The following TMEM163 variants were observed in gnomAD, a reference collection of about 807,000 sequenced individuals.
TMEM163 encodes the protein transmembrane protein 163.
A neutral mutation model predicts 29.3 loss-of-function variants in TMEM163; 17 were observed. The observed-to-expected ratio is 0.58, with a 90% CI of 0.40 to 0.87. The LOEUF (loss-of-function observed/expected upper bound fraction) is 0.87, where lower values mean the gene tolerates loss of function less well. Ranked by LOEUF, TMEM163 falls within the 40% of genes least tolerant of loss-of-function variation. TMEM163 has a pLI of 0.00. For missense variants in TMEM163, 303 were observed against 381.5 expected, an observed-to-expected ratio of 0.79 and a Z score of 1.71; for synonymous variants, 157 against 160.6, an observed-to-expected ratio of 0.98 and a Z score of 0.17.
chr2:134,693,626 A>G (rs867852857), intron 2 of TMEM163, among the ~76,000 whole-genome samples: 3 of 151,574 alleles, frequency 2.0e-5, no homozygotes, highest in Admixed American at 1.3e-4. Flanking sequence ...AAAAAAAAAA[A>G]AAAACCTGAA....
chr2:134,584,500 C>G (rs1681766003), intron 2 of TMEM163, among the ~76,000 whole-genome samples: 1 of 152,176 alleles, frequency 6.6e-6, no homozygotes, highest in Non-Finnish European at 1.5e-5. Flanking sequence ...TGTGAAAAAT[C>G]ACAGGTGAAA....
intron 2 of TMEM163, among the ~76,000 whole-genome samples, chr2:134,558,985 T>C (rs928780367): frequency 6.6e-6 from 1 of 152,240 alleles, no homozygotes; most frequent in Non-Finnish European, 1.5e-5. Context: ...CTTTCCATCA[T>C]CCACAATACA....
intron 4 of TMEM163, among the ~76,000 whole-genome samples, chr2:134,524,489 C>T (rs1163959575): frequency 6.7e-6 from 1 of 149,976 alleles, no homozygotes; most frequent in African/African-American, 2.4e-5. Flanking sequence ...GTATTAAGCC[C>T]CACATGCATT....
chr2:134,565,098 T>C (rs1191687506), intron 2 of TMEM163, among the ~76,000 whole-genome samples: 1 of 148,276 alleles, frequency 6.7e-6, no homozygotes, highest in Non-Finnish European at 1.5e-5. Flanking sequence ...ATTAGCCAGG[T>C]GTGGTAGCGC....
chr2:134,689,493 C>T (rs1254598637), intron 2 of TMEM163, among the ~76,000 whole-genome samples: 1 of 152,222 alleles, frequency 6.6e-6, no homozygotes, highest in Non-Finnish European at 1.5e-5. Context: ...AGGGACTCAG[C>T]TCACTTCCCC....
intron 2 of TMEM163, among the ~76,000 whole-genome samples, chr2:134,663,317 G>C (rs1683798995): frequency 6.6e-6 from 1 of 152,212 alleles, no homozygotes; most frequent in South Asian, 2.1e-4. Flanking sequence ...GGCCTGCTGG[G>C]TGGACCCCAA....
intron 4 of TMEM163, among the ~76,000 whole-genome samples, chr2:134,538,631 A>T (rs1680594425): frequency 6.6e-6 from 1 of 151,782 alleles, no homozygotes; most frequent in Non-Finnish European, 1.5e-5. Context: ...CCACAATAGA[A>T]ATGGAGTACT....
intron 4 of TMEM163, among the ~76,000 whole-genome samples, chr2:134,511,731 G>A (rs1469298173): frequency 6.6e-6 from 1 of 152,208 alleles, no homozygotes; most frequent in Non-Finnish European, 1.5e-5. Context: ...TACTCTCAGG[G>A]TAAACCTGCT....
chr2:134,555,470 A>G (rs1363231079), intron 2 of TMEM163, among the ~76,000 whole-genome samples: 2 of 152,202 alleles, frequency 1.3e-5, no homozygotes, highest in Non-Finnish European at 2.9e-5. Flanking sequence ...CAATGCCTTC[A>G]AGACAGCTGC....
chr2:134,604,571 G>C (rs1682309763), intron 2 of TMEM163, among the ~76,000 whole-genome samples: 2 of 152,234 alleles, frequency 1.3e-5, no homozygotes, highest in South Asian at 4.2e-4. Flanking sequence ...GAGGAGAAGA[G>C]GGGTGGGACT....
chr2:134,638,706 G>C (rs1288608073), intron 2 of TMEM163, among the ~76,000 whole-genome samples: 1 of 152,162 alleles, frequency 6.6e-6, no homozygotes, highest in African/African-American at 2.4e-5. Context: ...AGAGCAAGTG[G>C]GTAGGACAGT....
chr2:134,499,143 C>A (rs1334935338), intron 5 of TMEM163, among the ~76,000 whole-genome samples: 2 of 152,062 alleles, frequency 1.3e-5, no homozygotes, highest in Non-Finnish European at 2.9e-5. Flanking sequence ...GTTAAGACAT[C>A]ATAAAGATAT....
At chr2:134,640,678 A>C (rs1257074385) in intron 2 of TMEM163, among the ~76,000 whole-genome samples, 1 of 152,196 alleles carries the variant, frequency 6.6e-6, no homozygotes, top group Non-Finnish European at 1.5e-5. Flanking sequence ...ACCCTGGTTT[A>C]AGACCTTTAA....
chr2:134,555,651 A>G (rs537781223), intron 2 of TMEM163, among the ~76,000 whole-genome samples: 14 of 152,356 alleles, frequency 9.2e-5, no homozygotes, highest in African/African-American at 3.1e-4. Context: ...TTGCTATCTG[A>G]TTAGGCAGCA....
Position 134,713,257 on chromosome 2 carries a change from A to G in TMEM163, c.265T>C (p.Leu89=). The change falls in exon 2 of 8, where the codon TTG becomes CTG. Residue 89 remains leucine, a synonymous_variant. Transcript: ENST00000281924. ...HEAQNYRKKA[L]WVSWFSIIVT... Reference sequence around the variant, plus strand: ...ATGATGGAGAACCAGGACACCCACAATGCCTTCTTCCTGTAGTTCTGGGCT... The same window carrying G: ...ATGATGGAGAACCAGGACACCCACAGTGCCTTCTTCCTGTAGTTCTGGGCT... 4 of 1,614,108 alleles carry G rather than the reference A, an allele frequency of 2.5e-6. No individual in the cohort carries two copies. The highest frequency in any genetic ancestry group is 3.4e-6 in the Non-Finnish European group (4 of 1,179,990).
chr2:134,586,004 A>G (rs1360148745), intron 2 of TMEM163, among the ~76,000 whole-genome samples: 2 of 152,226 alleles, frequency 1.3e-5, no homozygotes, highest in African/African-American at 2.4e-5. Flanking sequence ...GAAGAGCCCA[A>G]CAAAGTCTGG....
chr2:134,588,852 G>T (rs944038269), intron 2 of TMEM163, among the ~76,000 whole-genome samples: 1 of 152,132 alleles, frequency 6.6e-6, no homozygotes, highest in Admixed American at 6.5e-5. Flanking sequence ...CGTTGGGGGG[G>T]GAAGAGGCCA....
At chr2:134,544,250 A>G (rs568127611) in intron 4 of TMEM163, among the ~76,000 whole-genome samples, 1 of 152,238 alleles carries the variant, frequency 6.6e-6, no homozygotes, top group African/African-American at 2.4e-5. Context: ...CAGACACGAA[A>G]TTCCATGTCA....
At chr2:134,462,481 G>T (rs1282186842) in intron 6 of TMEM163, among the ~76,000 whole-genome samples, 4 of 152,218 alleles carry the variant, frequency 2.6e-5, no homozygotes, top group Admixed American at 2.6e-4. Flanking sequence ...ACTCCCCCAT[G>T]CCCCTTCCTC....
Sources: gnomAD v4.1 joint callset for allele counts (sites outside exome capture counted in the v4.1 genomes callset) on GRCh38, gnomAD v4.1.1 for gene constraint, MANE v1.5 for transcripts, NCBI Gene and HGNC (gene_info 2026-07-23, HGNC 2026-07-21) for gene names.